Variants in ASB18 observed in about 807,000 individuals in gnomAD.
ASB18 encodes ankyrin repeat and SOCS box protein 18.
A neutral mutation model predicts 33.4 loss-of-function variants in ASB18; 33 were observed. The ratio of observed to expected loss-of-function variants is 0.99; its 90% confidence interval spans 0.75 to 1.32. The LOEUF is 1.32. Ranked by LOEUF, ASB18 falls within the 40% of genes most tolerant of loss-of-function variation. The pLI, the probability that ASB18 is intolerant of heterozygous loss-of-function variation, is 0.00. For missense variants in ASB18, 694 were observed against 655.5 expected (o/e 1.06, Z -0.64); for synonymous variants, 295 against 307.6 (o/e 0.96, Z 0.43).
chr2:236,246,974 G>T (rs1162424421), intron 1 of ASB18, among the ~76,000 whole-genome samples: 1 of 152,174 alleles, frequency 6.6e-6, no homozygotes, highest in Non-Finnish European at 1.5e-5. Flanking sequence ...ATTTTTAAAA[G>T]GGATAGGACA....
chr2:236,211,833 T>C lies in ASB18; in HGVS notation c.1101+2529A>G, dbSNP rs936023377. On this transcript the variant is annotated intron_variant, in intron 4 of 5. Coordinates refer to ENST00000409749, the MANE Select transcript of ASB18 (RefSeq NM_212556.4). The surrounding 1 kb of genome is among the most constrained non-coding windows in gnomAD (Gnocchi z 5.0). ...CTTGTGGGATTCTCAGCATGGTGAA[T>C]GCATCCTCATCCACCATCCTCTCCT... Among the ~76,000 whole-genome samples, 11 of 152,304 alleles carry C rather than the reference T, an allele frequency of 7.2e-5. No individual in the cohort carries two copies. The highest frequency in any genetic ancestry group is 1.6e-4 in the Non-Finnish European group (11 of 68,026).
At chr2:236,240,659 T>C (rs2060617083) in intron 2 of ASB18, among the ~76,000 whole-genome samples, 1 of 152,148 alleles carries the variant, frequency 6.6e-6, no homozygotes. Flanking sequence ...GGGGACCTCT[T>C]TCCACTTGGG....
rs115967613 is a variant in ASB18 at position 236,214,877 on chromosome 2, C to G, written c.597-11G>C. 1.9e-3 allele frequency: 2,330 copies of G among 1,209,988 alleles called. 59 individuals are homozygous for G. The African/African-American group carries it at 0.034, about 17-fold the overall frequency. The allele number at this position is 1,209,988 out of a possible 1,614,324, so 75.0% of individuals were successfully genotyped here. A position where few individuals can be genotyped will look rare whatever the true frequency, so the allele number is the denominator to read the frequency against. ...AGCGCCTGCGCGCACCTGTGGGAAG[C>G]CAGGGCCTGTCACTCGGGCGCCACG... On this transcript the variant is annotated splice_polypyrimidine_tract_variant and intron_variant, in intron 3 of 5. Transcript: ENST00000409749. This position sits in a 1 kb window ranked among gnomAD's most constrained non-coding sequence, Gnocchi z 6.5.
In ASB18 at chr2:236,223,650, A is replaced by G. The variant is rs184814176; in HGVS notation, c.597-8784T>C. On this transcript the variant is annotated intron_variant, in intron 3 of 5. Coordinates refer to ENST00000409749, the MANE Select transcript of ASB18 (RefSeq NM_212556.4). This position sits in a 1 kb window ranked among gnomAD's most constrained non-coding sequence, Gnocchi z 4.6. The stretch of plus-strand genomic sequence containing the variant: ...ATGTAACCAATACCTCAATGAAGAC[A>G]TAGAATATTTCCATTTTGCCAGGAA... 1.3e-5 allele frequency among the ~76,000 whole-genome samples: 2 copies of G among 152,366 alleles called. No individual in the cohort carries two copies. The highest frequency in any genetic ancestry group is 6.5e-5 in the Admixed American group (1 of 15,306).
chr2:236,224,185 GTTTTTTT>G (rs1161648778), intron 3 of ASB18, among the ~76,000 whole-genome samples: 1 of 66,772 alleles, frequency 1.5e-5, no homozygotes, highest in Non-Finnish European at 2.5e-5. Flanking sequence ...GTGTTGTCAG[GTTTTTTT>G]TTTTTTTTTT....
Position 236,237,832 on chromosome 2 carries a change from G to A in ASB18, c.453C>T (p.Gly151=). Residue 151 remains glycine (G), a synonymous_variant, in exon 3 of 6, where the codon GGC becomes GGT. Coordinates refer to ENST00000409749, the MANE Select transcript of ASB18 (RefSeq NM_212556.4). This position sits in a 1 kb window ranked among gnomAD's most constrained non-coding sequence, Gnocchi z 6.2. ...AGGCCTCGTGCAGGGCGCCGCGGCC[G>A]CCGGGGCTGGCGTCTGGGTCTGCGC... ...GRGADPDASP[G]GRGALHEACL... is the part of the protein sequence containing the mutation. 2.2e-6 allele frequency: 3 copies of A among 1,375,548 alleles called. No homozygotes were observed. Among genetic ancestry groups the A allele is most frequent in the Non-Finnish European group, 2.8e-6 (3 of 1,075,768 alleles). 85.2% of individuals were successfully genotyped at this position (1,375,548 alleles called of 1,614,324 possible).
chr2:236,212,905 C>G (rs983576388), intron 4 of ASB18, among the ~76,000 whole-genome samples: 1 of 152,222 alleles, frequency 6.6e-6, no homozygotes, highest in Non-Finnish European at 1.5e-5. Flanking sequence ...GCTGGGATTA[C>G]AGGTGTGAGT....
chr2:236,214,764 C>T lies in ASB18; in HGVS notation c.699G>A (p.Glu233=). Residue 233 remains glutamate, a synonymous_variant, in exon 4 of 6, where the codon GAG becomes GAA. Transcript: ENST00000409749. This position sits in a 1 kb window ranked among gnomAD's most constrained non-coding sequence, Gnocchi z 6.5. ...CGCGGCCCAGGTACAGGCGCGCGTG[C>T]TCGTCCAGGCCGCGCTGCGCCGCCA... is the stretch of plus-strand genomic sequence containing the variant. ...LHVAAQRGLD[E]HARLYLGRGA... is the part of the protein sequence containing the mutation. 8.4e-7 allele frequency: 1 copy of T among 1,184,740 alleles called. No individual in the cohort carries two copies. 73.4% of individuals were successfully genotyped at this position (1,184,740 alleles called of 1,614,324 possible).
chr2:236,201,392 G>C lies in ASB18; in HGVS notation c.1102-5007C>G, dbSNP rs141365566. The stretch of plus-strand genomic sequence containing the variant: ...TGGTTTTGAACTCCTGGGTTCACGC[G>C]ATCTTCCCACTGCAGTCTCCCAAAG... On this transcript the variant is annotated intron_variant, in intron 4 of 5. Transcript: ENST00000409749. 3.6e-3 allele frequency among the ~76,000 whole-genome samples: 545 copies of C among 152,168 alleles called. 4 individuals carry two copies. Among genetic ancestry groups the C allele is most frequent in the African/African-American group, 0.013 (528 of 41,504 alleles).
At chr2:236,206,373 G>A (rs936065463) in intron 4 of ASB18, among the ~76,000 whole-genome samples, 1 of 151,928 alleles carries the variant, frequency 6.6e-6, no homozygotes. Flanking sequence ...ACCTCCTCAG[G>A]GTTTCTAGAA....
chr2:236,226,229 A>G lies in ASB18; in HGVS notation c.597-11363T>C, dbSNP rs2106274160. On this transcript the variant is annotated intron_variant, in intron 3 of 5. Transcript: ENST00000409749. This position sits in a 1 kb window ranked among gnomAD's most constrained non-coding sequence, Gnocchi z 4.8. ...GTAGAGGTGTTCAATGGGACCTGCC[A>G]GCATATTCCATTATCATCATTGATA... is the stretch of plus-strand genomic sequence containing the variant. Among the ~76,000 whole-genome samples, 1 of 152,348 alleles carries G rather than the reference A, an allele frequency of 6.6e-6. No individual in the cohort carries two copies. The highest frequency in any genetic ancestry group is 6.5e-5 in the Admixed American group (1 of 15,304).
rs1170752369 is a variant in ASB18 at position 236,255,173 on chromosome 2, T to C, written c.205+8968A>G. On this transcript the variant is annotated intron_variant, in intron 1 of 5. Coordinates refer to ENST00000409749, the MANE Select transcript of ASB18 (RefSeq NM_212556.4). This position sits in a 1 kb window ranked among gnomAD's most constrained non-coding sequence, Gnocchi z 4.4. ...TTTTTTCTTTCTTTGAGACGGAGTC[T>C]CATTCTGTCGCCCAGGCCTGAGTGC... is the stretch of plus-strand genomic sequence containing the variant. Among the ~76,000 whole-genome samples the C allele has an allele frequency of 6.6e-6, 1 of 152,188 alleles. No homozygotes were observed. The highest frequency in any genetic ancestry group is 1.5e-5 in the Non-Finnish European group (1 of 68,026).
intron 4 of ASB18, among the ~76,000 whole-genome samples, chr2:236,199,195 T>A (rs2060387536): frequency 6.6e-6 from 1 of 152,120 alleles, no homozygotes. Flanking sequence ...GTGGATTACC[T>A]GAGGTCAGGA....
At position 236,237,991 on chromosome 2, in the gene ASB18, GA is replaced by G; in HGVS notation, c.329-36del. On this transcript the variant is annotated intron_variant, in intron 2 of 5. Coordinates refer to ENST00000409749, the MANE Select transcript of ASB18 (RefSeq NM_212556.4). The surrounding 1 kb of genome is among the most constrained non-coding windows in gnomAD (Gnocchi z 6.2). ...GGGAGGTGGGATGTAAGGTCAGGGG[GA>G]GGTTAGTTGTGGTGGTGGTGGGCGG... The G allele has an allele frequency of 6.9e-7, 1 of 1,440,582 alleles. No individual in the cohort carries two copies. 89.2% of individuals were successfully genotyped at this position (1,440,582 alleles called of 1,614,324 possible). A position where few individuals can be genotyped will look rare whatever the true frequency, so the allele number is the denominator to read the frequency against.
chr2:236,196,436 T>C lies in ASB18; in HGVS notation c.1102-51A>G. On this transcript the variant is annotated intron_variant, in intron 4 of 5. Transcript: ENST00000409749. The surrounding 1 kb of genome is among the most constrained non-coding windows in gnomAD (Gnocchi z 5.6). Reference sequence around the variant, plus strand: ...GCGTAGGCCGACTGGGTTCTGGGTCTCAGTGGGGAAAGGGTGGGGGGTGTG... The same window carrying C: ...GCGTAGGCCGACTGGGTTCTGGGTCCCAGTGGGGAAAGGGTGGGGGGTGTG... 1 of 949,132 alleles carries C rather than the reference T, an allele frequency of 1.1e-6. No individual in the cohort carries two copies. The allele number at this position is 949,132 out of a possible 1,614,324, so 58.8% of individuals were successfully genotyped here. A position where few individuals can be genotyped will look rare whatever the true frequency, so the allele number is the denominator to read the frequency against.
In ASB18 at chr2:236,200,200, T is replaced by C. The variant is rs546018268; in HGVS notation, c.1102-3815A>G. 6.6e-6 allele frequency among the ~76,000 whole-genome samples: 1 copy of C among 151,994 alleles called. No individual in the cohort carries two copies. The highest frequency in any genetic ancestry group is 2.4e-5 in the African/African-American group (1 of 41,382). The stretch of plus-strand genomic sequence containing the variant: ...CATCTCTACTAAAAATACAACAAAA[T>C]TAGCCAGGCATGGTGGTGCACATCT... On this transcript the variant is annotated intron_variant, in intron 4 of 5. Coordinates refer to ENST00000409749, the MANE Select transcript of ASB18 (RefSeq NM_212556.4). The surrounding 1 kb of genome is among the most constrained non-coding windows in gnomAD (Gnocchi z 4.2).
chr2:236,214,182 T>C lies in ASB18; in HGVS notation c.1101+180A>G. The C allele has an allele frequency of 1.5e-6, 1 of 645,324 alleles. No individual in the cohort carries two copies. The highest frequency in any genetic ancestry group is 2.6e-6 in the Non-Finnish European group (1 of 391,984). The allele number at this position is 645,324 out of a possible 1,614,324, so 40.0% of individuals were successfully genotyped here. A position where few individuals can be genotyped will look rare whatever the true frequency, so the allele number is the denominator to read the frequency against. On this transcript the variant is annotated intron_variant, in intron 4 of 5. Transcript: ENST00000409749. This position sits in a 1 kb window ranked among gnomAD's most constrained non-coding sequence, Gnocchi z 6.5. ...AGCAGTCTAGGCCACACCCGGGAGC[T>C]TGTTGGCAATGCAGGCTCTCCCACC...
rs57894270 is a variant in ASB18, at chr2:236,231,787, G to C, written c.596+5902C>G. On this transcript the variant is annotated intron_variant, in intron 3 of 5. Transcript: ENST00000409749. The surrounding 1 kb of genome is among the most constrained non-coding windows in gnomAD (Gnocchi z 5.5). ...TAAATAATTTCATAATGATAAAAAGGTCAGTTCTTCAAAAGGACAGAATAA... is the reference window on the plus strand; with the variant it reads ...TAAATAATTTCATAATGATAAAAAGCTCAGTTCTTCAAAAGGACAGAATAA... Among the ~76,000 whole-genome samples, 2 of 152,066 alleles carry C rather than the reference G, an allele frequency of 1.3e-5. No individual in the cohort carries two copies. Among genetic ancestry groups the C allele is most frequent in the African/African-American group, 2.4e-5 (1 of 41,378 alleles).
chr2:236,206,908 C>T (rs1292792094), intron 4 of ASB18, among the ~76,000 whole-genome samples: 1 of 152,190 alleles, frequency 6.6e-6, no homozygotes, highest in African/African-American at 2.4e-5. Flanking sequence ...CAAGTTGAGT[C>T]AGGGGCTACC....
Sources: allele counts gnomAD v4.1 joint callset (sites outside exome capture counted in the v4.1 genomes callset), GRCh38; gene constraint gnomAD v4.1.1; non-coding constraint Gnocchi (gnomAD v3.1); transcripts MANE v1.5; gene names NCBI Gene and HGNC (gene_info 2026-07-23, HGNC 2026-07-21).